The following THSD7A variants were observed in gnomAD, a reference collection of about 807,000 sequenced individuals.
THSD7A encodes the protein thrombospondin type-1 domain-containing protein 7A.
Under a neutral mutation model 231.3 loss-of-function variants are expected in THSD7A, and 96 were observed. The observed-to-expected ratio is 0.41, with a 90% CI of 0.35 to 0.49. THSD7A has a LOEUF of 0.49. THSD7A is among the 20% of genes least tolerant of loss of function. The pLI is 0.05. For missense variants in THSD7A, 2,290 were observed against 2,070.2 expected, an observed-to-expected ratio of 1.11 and a Z score of -2.06; for synonymous variants, 940 against 743.3, an observed-to-expected ratio of 1.26 and a Z score of -4.30.
rs187660792 is a variant in THSD7A, at chr7:11,813,657, G to A, written c.190+18100C>T. On this transcript the variant is annotated intron_variant, in intron 1 of 27. Coordinates refer to ENST00000423059, the MANE Select transcript of THSD7A (RefSeq NM_015204.3). ...GAACCCAGGAGGCAGAGGTTGCAGT[G>A]AGCCGAGATAGCACCACCGCACTCT... is the stretch of plus-strand genomic sequence containing the variant. Among the ~76,000 whole-genome samples the A allele has an allele frequency of 3.9e-3, 588 of 151,710 alleles. 4 individuals are homozygous for A. The highest frequency in any genetic ancestry group is 0.012 in the African/African-American group (513 of 41,320).
At chr7:11,710,199 T>TG (rs1414594836) in intron 1 of THSD7A, among the ~76,000 whole-genome samples, 1 of 150,700 alleles carries the variant, frequency 6.6e-6, no homozygotes. Flanking sequence ...TAAATGGTAC[T>TG]GGTGCTTGTG....
intron 8 of THSD7A, among the ~76,000 whole-genome samples, chr7:11,470,665 C>T (rs927689168): frequency 6.6e-6 from 1 of 151,530 alleles, no homozygotes; most frequent in Non-Finnish European, 1.5e-5. Context: ...GGGATTTAAT[C>T]TTTTTTATGT....
At chr7:11,697,472 T>C (rs1780437923) in intron 1 of THSD7A, among the ~76,000 whole-genome samples, 1 of 151,372 alleles carries the variant, frequency 6.6e-6, no homozygotes. Flanking sequence ...ATGTGCTACA[T>C]AGTATTTTGT....
intron 17 of THSD7A, among the ~76,000 whole-genome samples, chr7:11,414,349 G>A (rs2115390548): frequency 6.6e-6 from 1 of 152,340 alleles, no homozygotes; most frequent in African/African-American, 2.4e-5. Flanking sequence ...CGTGGGACAC[G>A]AGGGGGCATA....
chr7:11,828,863 AT>A (rs1438718637), intron 1 of THSD7A, among the ~76,000 whole-genome samples: 1 of 152,128 alleles, frequency 6.6e-6, no homozygotes, highest in Non-Finnish European at 1.5e-5. Flanking sequence ...TTCAACTTAC[AT>A]GCATTTTCTT....
chr7:11,638,198 A>G, intron 1 of THSD7A, among the ~76,000 whole-genome samples: 1 of 152,188 alleles, frequency 6.6e-6, no homozygotes, highest in East Asian at 1.9e-4. Flanking sequence ...CTACTGTGGA[A>G]ATTTGAAACC....
At chr7:11,617,430 T>G (rs1781145655) in intron 2 of THSD7A, among the ~76,000 whole-genome samples, 1 of 152,234 alleles carries the variant, frequency 6.6e-6, no homozygotes, top group Non-Finnish European at 1.5e-5. Context: ...TGTATGTATG[T>G]ATGTATGATT....
rs778544363 is a variant in THSD7A at position 11,444,317 on chromosome 7, T to TA, written c.3064+1743dup. ...ATTACTGGGTATATACCCGAAGGAT[T>TA]ATAAATCATTCTACTATAAAGACAC... On this transcript the variant is annotated intron_variant, in intron 13 of 27. Transcript: ENST00000423059. This position sits in a 1 kb window ranked among gnomAD's most constrained non-coding sequence, Gnocchi z 4.2. Among the ~76,000 whole-genome samples the TA allele has an allele frequency of 2.0e-5, 3 of 152,138 alleles. No individual in the cohort carries two copies. Among genetic ancestry groups the TA allele is most frequent in the Non-Finnish European group, 2.9e-5 (2 of 68,020 alleles).
intron 6 of THSD7A, among the ~76,000 whole-genome samples, chr7:11,509,048 T>A (rs911872634): frequency 3.9e-5 from 6 of 152,228 alleles, no homozygotes; most frequent in Non-Finnish European, 8.8e-5. Flanking sequence ...ATGTATTATA[T>A]GCTTAAAAAT....
At chr7:11,612,947 T>C (rs904018190) in intron 2 of THSD7A, among the ~76,000 whole-genome samples, 15 of 152,182 alleles carry the variant, frequency 9.9e-5, no homozygotes, top group Non-Finnish European at 1.8e-4. Flanking sequence ...TATCTTACCT[T>C]TGGGCTACAT....
At chr7:11,383,814 A>G (rs2115305993) in intron 23 of THSD7A, 1 of 152,144 alleles carries the variant, frequency 6.6e-6, no homozygotes, top group South Asian at 2.1e-4. Context: ...TCATTCTGGA[A>G]CAGTGATTCT....
intron 2 of THSD7A, among the ~76,000 whole-genome samples, chr7:11,594,535 G>C (rs1780287193): frequency 6.6e-6 from 1 of 152,118 alleles, no homozygotes; most frequent in African/African-American, 2.4e-5. Flanking sequence ...AAATGCATTT[G>C]ACGCTCCTGA....
At chr7:11,417,218 T>C (rs2115397107) in intron 17 of THSD7A, among the ~76,000 whole-genome samples, 1 of 152,238 alleles carries the variant, frequency 6.6e-6, no homozygotes, top group South Asian at 2.1e-4. Flanking sequence ...GGATGATGGG[T>C]TAGTAAAGCT....
At chr7:11,682,946 A>C (rs144938073) in intron 1 of THSD7A, among the ~76,000 whole-genome samples, 1,657 of 152,094 alleles carry the variant, frequency 0.011, 43 homozygotes, top group African/African-American at 0.037. Flanking sequence ...AAGATAGTGA[A>C]ATCCCATCTC....
At chr7:11,575,297 G>C (rs913985056) in intron 4 of THSD7A, among the ~76,000 whole-genome samples, 3 of 152,068 alleles carry the variant, frequency 2.0e-5, no homozygotes, top group Non-Finnish European at 4.4e-5. Context: ...TGTTAACACT[G>C]GGTCTTTCTT....
At chr7:11,430,552 C>T (rs1415388606) in intron 13 of THSD7A, among the ~76,000 whole-genome samples, 1 of 152,110 alleles carries the variant, frequency 6.6e-6, no homozygotes, top group Non-Finnish European at 1.5e-5. Flanking sequence ...CCTTGACCTC[C>T]TGCACTCAAG....
intron 1 of THSD7A, among the ~76,000 whole-genome samples, chr7:11,771,178 T>A (rs1278084067): frequency 6.6e-6 from 1 of 151,144 alleles, no homozygotes; most frequent in African/African-American, 2.4e-5. Flanking sequence ...ATCCCATAGA[T>A]ATGTTTATAA....
chr7:11,626,968 G>A (rs915393585), intron 2 of THSD7A, among the ~76,000 whole-genome samples: 6 of 151,998 alleles, frequency 3.9e-5, no homozygotes, highest in African/African-American at 1.4e-4. Context: ...CATGACCTTA[G>A]AAGGTTCCAT....
intron 1 of THSD7A, among the ~76,000 whole-genome samples, chr7:11,723,946 C>T (rs1322175529): frequency 2.6e-5 from 4 of 151,816 alleles, no homozygotes; most frequent in African/African-American, 4.8e-5. Context: ...TTCATGCACT[C>T]TAGATGCTGA....
Sources: allele counts gnomAD v4.1 joint callset (sites outside exome capture counted in the v4.1 genomes callset), GRCh38; gene constraint gnomAD v4.1.1; non-coding constraint Gnocchi (gnomAD v3.1); transcripts MANE v1.5; gene names NCBI Gene and HGNC (gene_info 2026-07-23, HGNC 2026-07-21).